Variants in PWWP2B observed in about 807,000 individuals in gnomAD.
The protein encoded by PWWP2B is PWWP domain containing 2B, also known as PWWP domain-containing protein 2B.
A neutral mutation model predicts 15.5 loss-of-function variants in PWWP2B; 9 were observed. The observed-to-expected ratio is 0.58, with a 90% CI of 0.35 to 1.02. The LOEUF (loss-of-function observed/expected upper bound fraction) is 1.02. PWWP2B is among the 50% of genes least tolerant of loss of function. The probability of loss-of-function intolerance (pLI) is 0.02; values close to 1 mark genes in which losing one functional copy is unlikely to be tolerated. For missense variants in PWWP2B, 864 were observed against 865.3 expected (o/e 1.00, Z 0.02); for synonymous variants, 474 against 403.6 (o/e 1.17, Z -2.09).
At chr10:132,408,753 A>AGCCCAG (rs1292543417) in intron 2 of PWWP2B, among the ~76,000 whole-genome samples, 1 of 152,204 alleles carries the variant, frequency 6.6e-6, no homozygotes, top group Non-Finnish European at 1.5e-5. Flanking sequence ...AGGGACACTG[A>AGCCCAG]GCCCAGCATC....
intron 2 of PWWP2B, among the ~76,000 whole-genome samples, chr10:132,409,186 C>G (rs908435236): frequency 1.5e-4 from 23 of 152,270 alleles, no homozygotes; most frequent in Admixed American, 9.2e-4. Flanking sequence ...ACGGCCGGCT[C>G]CAGGGCCTGT....
chr10:132,408,429 C>T (rs757550237), intron 2 of PWWP2B, among the ~76,000 whole-genome samples: 2 of 152,220 alleles, frequency 1.3e-5, no homozygotes, highest in Admixed American at 6.5e-5. Context: ...CCACCACCAT[C>T]GTGAAGGCGC....
chr10:132,404,700 G>T lies in PWWP2B; in HGVS notation c.200G>T (p.Gly67Val). The T allele has an allele frequency of 6.2e-7, 1 of 1,612,376 alleles. No homozygotes were observed. The change falls in exon 2 of 3, where the codon GGC (glycine) becomes GTC (valine). Residue 67 changes from glycine (G) to valine (V), a missense_variant. Coordinates refer to ENST00000305233, the MANE Select transcript of PWWP2B (RefSeq NM_138499.4). ...GAGTCCCCTGTCAACGACAGCCATGGCCGGGCTCCCGAGGAGGGGGATGCA... is the reference window on the plus strand; with the variant it reads ...GAGTCCCCTGTCAACGACAGCCATGTCCGGGCTCCCGAGGAGGGGGATGCA... ...VDESPVNDSH[G>V]RAPEEGDAEV...
chr10:132,401,282 A>G (rs890160473), intron 1 of PWWP2B, among the ~76,000 whole-genome samples: 1 of 152,214 alleles, frequency 6.6e-6, no homozygotes, highest in African/African-American at 2.4e-5. Flanking sequence ...CCCCTGCCTC[A>G]GTTTCCCTAG....
chr10:132,403,016 G>A (rs931993317), intron 1 of PWWP2B, among the ~76,000 whole-genome samples: 26 of 152,346 alleles, frequency 1.7e-4, no homozygotes, highest in African/African-American at 5.8e-4. Flanking sequence ...CCTTTCTCGC[G>A]AAAGTCTTAG....
intron 2 of PWWP2B, among the ~76,000 whole-genome samples, chr10:132,406,638 GA>G (rs1488613697): frequency 6.6e-6 from 1 of 152,244 alleles, no homozygotes; most frequent in Admixed American, 6.5e-5. Context: ...GGATCCTGGG[GA>G]GGGGAGAGCC....
At chr10:132,398,785 G>T (rs557002206) in intron 1 of PWWP2B, among the ~76,000 whole-genome samples, 4 of 152,218 alleles carry the variant, frequency 2.6e-5, no homozygotes, top group Non-Finnish European at 5.9e-5. Flanking sequence ...TGCCTGCCAC[G>T]TTCAGCTGTA....
chr10:132,397,404 C>T, intron 1 of PWWP2B, 53 bp downstream of exon 1: 1 of 1,170,564 alleles, frequency 8.5e-7, no homozygotes. Context: ...CGACACCCGC[C>T]TCCGCCGCCC....
chr10:132,414,701 G>C (rs2069821233), intron 2 of PWWP2B, among the ~76,000 whole-genome samples: 1 of 152,236 alleles, frequency 6.6e-6, no homozygotes, highest in Admixed American at 6.5e-5. Context: ...GATGGTATTT[G>C]TAGGAATGCG....
Position 132,404,843 on chromosome 10 carries a change from C to A in PWWP2B, c.343C>A (p.Pro115Thr). Reference sequence around the variant, plus strand: ...GCCGCCGCTGCCCGCCGGAAGCCTGCCCCCGTACCCTCCCTACTTCGAAGG... The same window carrying A: ...GCCGCCGCTGCCCGCCGGAAGCCTGACCCCGTACCCTCCCTACTTCGAAGG... ...LVPPLPAGSLPPYPPYFEGAP... is the reference protein window; with the variant it reads ...LVPPLPAGSLTPYPPYFEGAP... The change falls in exon 2 of 3, where the codon CCC becomes ACC. Residue 115 changes from proline (P) to threonine (T), a missense_variant. By Grantham distance (38) the Pro-to-Thr change is conservative. Transcript: ENST00000305233. 1.3e-6 allele frequency: 2 copies of A among 1,580,736 alleles called. No individual in the cohort carries two copies. The highest frequency in any genetic ancestry group is 1.7e-6 in the Non-Finnish European group (2 of 1,169,120).
chr10:132,410,050 ATTAT>A (rs2069757244), intron 2 of PWWP2B, among the ~76,000 whole-genome samples: 1 of 152,190 alleles, frequency 6.6e-6, no homozygotes. Context: ...TGGTCTTGTT[ATTAT>A]TTGTCAGTTA....
chr10:132,397,463 C>T (rs2069552681), intron 1 of PWWP2B, 112 bp downstream of exon 1: 5 of 1,074,210 alleles, frequency 4.7e-6, no homozygotes, highest in Non-Finnish European at 5.7e-6. Context: ...GCCCCGGCGC[C>T]CGCTTTCGGT....
chr10:132,415,220 A>ACACC (rs1223323282), intron 2 of PWWP2B, among the ~76,000 whole-genome samples: 1 of 151,802 alleles, frequency 6.6e-6, no homozygotes, highest in Middle Eastern at 3.2e-3. Flanking sequence ...TCTCACACAC[A>ACACC]CACCCACTCA....
intron 1 of PWWP2B, among the ~76,000 whole-genome samples, chr10:132,397,812 GGTTTGGATTCGGGGAGAGCA>G (rs760010351): frequency 6.1e-4 from 93 of 152,346 alleles, no homozygotes; most frequent in Middle Eastern, 6.8e-3. Flanking sequence ...CCGCGGCTGA[GGTTTGGATTCGGGGAGAGCA>G]GTTGCGCCCA....
At chr10:132,409,538 C>T (rs925688446) in intron 2 of PWWP2B, among the ~76,000 whole-genome samples, 1 of 152,168 alleles carries the variant, frequency 6.6e-6, no homozygotes, top group African/African-American at 2.4e-5. Context: ...GAAGGCAGCT[C>T]CTCCCCAGGG....
chr10:132,415,566 CAT>C (rs2069839089), intron 2 of PWWP2B, among the ~76,000 whole-genome samples: 1 of 131,890 alleles, frequency 7.6e-6, no homozygotes, highest in African/African-American at 3.0e-5. Flanking sequence ...CACAAACACA[CAT>C]ACACACACAT....
chr10:132,397,973 G>T (rs2069560910), intron 1 of PWWP2B, among the ~76,000 whole-genome samples: 1 of 152,244 alleles, frequency 6.6e-6, no homozygotes, highest in South Asian at 2.1e-4. Flanking sequence ...CGCAGGGCAG[G>T]GCGGGGCGGT....
Position 132,397,259 on chromosome 10 carries a change from G to A in PWWP2B, c.33G>A (p.Val11=), listed in dbSNP as rs1181734905. The A allele has an allele frequency of 1.4e-5, 19 of 1,322,830 alleles. No homozygotes were observed. The highest frequency in any genetic ancestry group is 1.8e-5 in the Non-Finnish European group (18 of 1,028,066). 81.9% of individuals were successfully genotyped at this position (1,322,830 alleles called of 1,614,324 possible). ...CGCGCGCCGGCTGCCGGCTGCCGGT[G>A]CGGGTGGAGCAGGTCGTCAACGGCG... The part of the protein sequence containing the change: MEPRAGCRLP[V]RVEQVVNGAL... Residue 11 remains valine (V), a synonymous_variant, in exon 1 of 3, where the codon GTG becomes GTA. Transcript: ENST00000305233.
intron 2 of PWWP2B, among the ~76,000 whole-genome samples, chr10:132,415,830 G>T (rs928924951): frequency 6.6e-6 from 1 of 152,200 alleles, no homozygotes; most frequent in Non-Finnish European, 1.5e-5. Flanking sequence ...AGATGTTGCC[G>T]GCCCTTTCTT....
Sources: gnomAD v4.1 joint callset for allele counts (sites outside exome capture counted in the v4.1 genomes callset) on GRCh38, gnomAD v4.1.1 for gene constraint, MANE v1.5 for transcripts, NCBI Gene and HGNC (gene_info 2026-07-23, HGNC 2026-07-21) for gene names.